Variants in CMC1 observed in about 807,000 individuals in gnomAD.
CMC1 encodes the protein C-X9-C motif containing 1, also known as COX assembly mitochondrial protein homolog.
In CMC1, 14 loss-of-function variants were observed where a neutral mutation model predicts 14.1. The observed-to-expected ratio is 0.99, with a 90% confidence interval of 0.66 to 1.55. CMC1 has a LOEUF of 1.55. Among genes scored for constraint, CMC1 ranks in the 40% most tolerant of loss-of-function variants. The pLI is 0.00. For synonymous variants in CMC1, 50 were observed against 38.4 expected (o/e 1.30, Z -1.12); for missense variants, 127 against 123.8 (o/e 1.03, Z -0.12).
chr3:28,260,303 A>T (rs1446723320), intron 1 of CMC1, among the ~76,000 whole-genome samples: 4 of 151,974 alleles, frequency 2.6e-5, no homozygotes, highest in African/African-American at 4.8e-5. Flanking sequence ...TGTTTTGTAA[A>T]TACCGTTCTT....
intron 2 of CMC1, among the ~76,000 whole-genome samples, chr3:28,308,795 C>T (rs556924449): frequency 6.6e-5 from 10 of 151,990 alleles, no homozygotes; most frequent in East Asian, 1.9e-4. Flanking sequence ...CCATCCTGGC[C>T]AACATGGTGA....
intron 2 of CMC1, among the ~76,000 whole-genome samples, chr3:28,289,108 GTTTT>G (rs879794518): frequency 6.7e-6 from 1 of 150,346 alleles, no homozygotes; most frequent in Non-Finnish European, 1.5e-5. Flanking sequence ...GTTCTTTGAG[GTTTT>G]TTTTAAGTTT....
intron 1 of CMC1, among the ~76,000 whole-genome samples, chr3:28,244,560 T>C (rs555485938): frequency 1.3e-5 from 2 of 152,228 alleles, no homozygotes; most frequent in African/African-American, 4.8e-5. Context: ...AAAATCCATC[T>C]CTACTAAAAT....
intron 2 of CMC1, among the ~76,000 whole-genome samples, chr3:28,276,523 T>C (rs1700597756): frequency 6.6e-6 from 1 of 152,190 alleles, no homozygotes; most frequent in South Asian, 2.1e-4. Flanking sequence ...TAACTTTGAA[T>C]TATTTTGCTA....
chr3:28,253,660 A>C (rs778780358), intron 1 of CMC1: 45 of 835,062 alleles, frequency 5.4e-5, no homozygotes, highest in Non-Finnish European at 7.4e-5. Flanking sequence ...AGGGATCCAA[A>C]TATAGAAACT....
chr3:28,279,082 T>A (rs1443546519), intron 2 of CMC1, among the ~76,000 whole-genome samples: 1 of 152,176 alleles, frequency 6.6e-6, no homozygotes, highest in Non-Finnish European at 1.5e-5. Context: ...AAAACTACTA[T>A]AACCTATGAA....
At chr3:28,302,194 G>T (rs1702088961) in intron 2 of CMC1, among the ~76,000 whole-genome samples, 1 of 152,132 alleles carries the variant, frequency 6.6e-6, no homozygotes, top group Admixed American at 6.6e-5. Flanking sequence ...AGTCCAACAG[G>T]TTCGTTTATT....
chr3:28,316,150 C>T, intron 2 of CMC1, 183 bp from the exon 3 acceptor site: 1 of 413,978 alleles, frequency 2.4e-6, no homozygotes, highest in Non-Finnish European at 4.3e-6. Context: ...GAGCACGGTA[C>T]CATGTGCCAA....
intron 2 of CMC1, among the ~76,000 whole-genome samples, chr3:28,295,902 G>A (rs528562904): frequency 1.3e-5 from 2 of 152,112 alleles, no homozygotes; most frequent in Admixed American, 6.6e-5. Context: ...AAAAACCCAT[G>A]TATAAGTGGA....
At chr3:28,287,291 G>T (rs1384587434) in intron 2 of CMC1, among the ~76,000 whole-genome samples, 1 of 152,070 alleles carries the variant, frequency 6.6e-6, no homozygotes, top group Non-Finnish European at 1.5e-5. Flanking sequence ...GTCTGGATTA[G>T]TAAGACTATT....
chr3:28,297,327 G>T lies in CMC1; in HGVS notation c.110-19006G>T, dbSNP rs533410709. Among the ~76,000 whole-genome samples, 9 of 152,062 alleles carry T rather than the reference G, an allele frequency of 5.9e-5. No homozygotes were observed. The South Asian group carries it at 1.9e-3, about 32-fold the overall frequency. On this transcript the variant is annotated intron_variant, in intron 2 of 3. Coordinates refer to ENST00000466830, the MANE Select transcript of CMC1 (RefSeq NM_182523.2). Reference sequence around the variant, plus strand: ...AAGAAAATGTAAACTTTTAGGTAAGGGCCCATCTGAATCCCTGTTGAAATG... The same window carrying T: ...AAGAAAATGTAAACTTTTAGGTAAGTGCCCATCTGAATCCCTGTTGAAATG...
intron 1 of CMC1, among the ~76,000 whole-genome samples, chr3:28,250,416 G>A (rs1264690933): frequency 6.6e-6 from 1 of 152,172 alleles, no homozygotes; most frequent in East Asian, 1.9e-4. Context: ...GACTGAGATT[G>A]AACTAGAGTT....
At chr3:28,293,163 G>GTTC (rs1701563307) in intron 2 of CMC1, among the ~76,000 whole-genome samples, 1 of 152,084 alleles carries the variant, frequency 6.6e-6, no homozygotes. Context: ...ATTTCATATA[G>GTTC]TTCTGTTTTC....
At chr3:28,319,445 G>T in intron 3 of CMC1, 64 bp from the exon 4 acceptor site, 1 of 1,394,324 alleles carries the variant, frequency 7.2e-7, no homozygotes, top group Non-Finnish European at 1.0e-6. Flanking sequence ...AGTAATTAAA[G>T]TAAGCTTACA....
chr3:28,261,251 A>G (rs1361817741), intron 1 of CMC1, among the ~76,000 whole-genome samples: 1 of 152,110 alleles, frequency 6.6e-6, no homozygotes, highest in African/African-American at 2.4e-5. Context: ...AGGTTACAAA[A>G]TTATCTCCCA....
chr3:28,278,778 A>C (rs183889516), intron 2 of CMC1, among the ~76,000 whole-genome samples: 1 of 152,228 alleles, frequency 6.6e-6, no homozygotes, highest in Non-Finnish European at 1.5e-5. Context: ...GACCATTATT[A>C]GAATTCAGCT....
chr3:28,284,514 AT>A (rs902580402), intron 2 of CMC1, among the ~76,000 whole-genome samples: 17 of 152,002 alleles, frequency 1.1e-4, no homozygotes, highest in Non-Finnish European at 2.4e-4. Context: ...AGATAATTGC[AT>A]TTTTTTTCCC....
intron 1 of CMC1, among the ~76,000 whole-genome samples, chr3:28,252,161 G>A (rs1364079552): frequency 6.6e-6 from 1 of 152,184 alleles, no homozygotes; most frequent in African/African-American, 2.4e-5. Context: ...AGTGTGGGTG[G>A]AAGAGGAACT....
intron 2 of CMC1, among the ~76,000 whole-genome samples, chr3:28,299,197 C>T (rs1701897116): frequency 6.6e-6 from 1 of 152,020 alleles, no homozygotes; most frequent in African/African-American, 2.4e-5. Flanking sequence ...CTTTAATCAA[C>T]TGTGTTATCC....
Sources: allele counts gnomAD v4.1 joint callset (sites outside exome capture counted in the v4.1 genomes callset), GRCh38; gene constraint gnomAD v4.1.1; transcripts MANE v1.5; gene names NCBI Gene and HGNC (gene_info 2026-07-23, HGNC 2026-07-21).